FAM91A1: variants seen among roughly 807,000 people sequenced by gnomAD.
The protein encoded by FAM91A1 is family with sequence similarity 91 member A1, also known as protein FAM91A1.
In FAM91A1, 41 loss-of-function variants were observed where a neutral mutation model predicts 113.5. The observed-to-expected ratio is 0.36, with a 90% CI of 0.28 to 0.47. FAM91A1 has a LOEUF of 0.47. Among genes scored for constraint, FAM91A1 ranks in the 20% least tolerant of loss-of-function variants. The pLI is 1.00. For synonymous variants in FAM91A1, 307 were observed against 347.9 expected, an observed-to-expected ratio of 0.88 and a Z score of 1.31; for missense variants, 696 against 1,001.2, an observed-to-expected ratio of 0.70 and a Z score of 4.11.
intron 18 of FAM91A1, among the ~76,000 whole-genome samples, chr8:123,802,856 A>G (rs777614741): frequency 1.1e-4 from 17 of 152,228 alleles, no homozygotes; most frequent in Non-Finnish European, 2.4e-4. Flanking sequence ...AACTGGAGAT[A>G]AAGTTCCCAT....
chr8:123,804,481 A>T (rs1291884917), intron 18 of FAM91A1, among the ~76,000 whole-genome samples: 1 of 121,150 alleles, frequency 8.3e-6, no homozygotes, highest in Non-Finnish European at 1.7e-5. Context: ...ACAGAGCAAG[A>T]CTCTGTTTTA....
intron 8 of FAM91A1, among the ~76,000 whole-genome samples, chr8:123,782,312 T>G (rs73335699): frequency 0.027 from 4,079 of 152,236 alleles, 166 homozygotes; most frequent in African/African-American, 0.094. Flanking sequence ...TTCCCCAAAT[T>G]AGAATAAACA....
Position 123,768,690 on chromosome 8 carries a change from T to C in FAM91A1, c.-13T>C, listed in dbSNP as rs1814765824. On this transcript the variant is annotated 5_prime_UTR_variant, in exon 1 of 24. Coordinates refer to ENST00000334705, the MANE Select transcript of FAM91A1 (RefSeq NM_144963.4). ...CGGTGGCGGCCCCGGCCGCCGGCCCTGGCCGCGGCATCATGAACATAGACG... is the reference window on the plus strand; with the variant it reads ...CGGTGGCGGCCCCGGCCGCCGGCCCCGGCCGCGGCATCATGAACATAGACG... 1.9e-6 allele frequency: 3 copies of C among 1,584,780 alleles called. No homozygotes were observed. Among genetic ancestry groups the C allele is most frequent in the Non-Finnish European group, 2.6e-6 (3 of 1,167,224 alleles).
intron 21 of FAM91A1, 108 bp downstream of exon 21, chr8:123,808,484 TTTAAA>T: frequency 1.3e-6 from 1 of 745,342 alleles, no homozygotes; most frequent in Non-Finnish European, 2.0e-6. Context: ...TCATACGACT[TTTAAA>T]TAAGAGTTTT....
chr8:123,798,185 T>A lies in FAM91A1; in HGVS notation c.1507T>A (p.Ser503Thr). 1 of 1,614,140 alleles carries A rather than the reference T, an allele frequency of 6.2e-7. No individual in the cohort carries two copies. The highest frequency in any genetic ancestry group is 8.5e-7 in the Non-Finnish European group (1 of 1,179,998). The change falls in exon 16 of 24, where the codon TCC becomes ACC. Residue 503 changes from serine (S) to threonine (T), a missense_variant. Transcript: ENST00000334705. ...VLNKNYTLLV[S>T]MAPLTNEIRP... is the part of the protein sequence containing the mutation. ...AAACAAAAATTACACGCTGCTTGTTTCCATGGCTCCCCTCACCAATGAAAT... is the reference window on the plus strand; with the variant it reads ...AAACAAAAATTACACGCTGCTTGTTACCATGGCTCCCCTCACCAATGAAAT...
At chr8:123,807,692 G>A (rs930158608) in intron 20 of FAM91A1, among the ~76,000 whole-genome samples, 1 of 152,090 alleles carries the variant, frequency 6.6e-6, no homozygotes, top group Non-Finnish European at 1.5e-5. Flanking sequence ...AAAAGATAAT[G>A]TGTTTTTGGA....
At chr8:123,806,834 CCT>C (rs1815824365) in intron 20 of FAM91A1, among the ~76,000 whole-genome samples, 1 of 152,028 alleles carries the variant, frequency 6.6e-6, no homozygotes, top group South Asian at 2.1e-4. Context: ...GCCTTTCTGG[CCT>C]CTCCTTTCTA....
chr8:123,804,622 A>G (rs9918907), intron 18 of FAM91A1, among the ~76,000 whole-genome samples: 55,804 of 151,086 alleles, frequency 0.37, 13,334 homozygotes, highest in African/African-American at 0.68. Context: ...CATTTCTCCT[A>G]TATCCTTCCA....
intron 16 of FAM91A1, 39 bp from the exon 17 acceptor site, chr8:123,799,481 C>G (rs1219400657): frequency 1.9e-6 from 3 of 1,590,002 alleles, no homozygotes; most frequent in Non-Finnish European, 2.6e-6. Context: ...TTATGTAACA[C>G]TTTATTTTAA....
At chr8:123,798,687 A>G (rs1815604429) in intron 16 of FAM91A1, among the ~76,000 whole-genome samples, 1 of 152,206 alleles carries the variant, frequency 6.6e-6, no homozygotes, top group Non-Finnish European at 1.5e-5. Context: ...TAAAAAATAT[A>G]TATATATCAG....
At chr8:123,771,406 G>T (rs1374085463) in intron 1 of FAM91A1, among the ~76,000 whole-genome samples, 3 of 152,158 alleles carry the variant, frequency 2.0e-5, no homozygotes, top group Non-Finnish European at 4.4e-5. Flanking sequence ...GTCGTTTCCA[G>T]TAAGTTTTGA....
At chr8:123,782,000 G>T (rs1815136237) in intron 8 of FAM91A1, among the ~76,000 whole-genome samples, 1 of 152,200 alleles carries the variant, frequency 6.6e-6, no homozygotes, top group African/African-American at 2.4e-5. Context: ...ATAAGCTGAC[G>T]TTGATTCATT....
At chr8:123,769,919 C>T (rs1396918022) in intron 1 of FAM91A1, among the ~76,000 whole-genome samples, 2 of 151,906 alleles carry the variant, frequency 1.3e-5, no homozygotes, top group Non-Finnish European at 2.9e-5. Context: ...GGAATGGTGG[C>T]GGTGATGGTA....
Position 123,787,586 on chromosome 8 carries a change from G to T in FAM91A1, c.1192-78G>T. 2.5e-6 allele frequency: 3 copies of T among 1,217,482 alleles called. No homozygotes were observed. The South Asian group carries it at 4.4e-5, about 18-fold the overall frequency. 75.4% of individuals were successfully genotyped at this position (1,217,482 alleles called of 1,614,324 possible). A position where few individuals can be genotyped will look rare whatever the true frequency, so the allele number is the denominator to read the frequency against. On this transcript the variant is annotated intron_variant, in intron 13 of 23. Transcript: ENST00000334705. The stretch of plus-strand genomic sequence containing the variant: ...CCTTAAGTTTAAATATATTTGAAAG[G>T]ATAATATAAATATTTGATAGTATGC...
At chr8:123,805,512 A>G (rs1815782241) in intron 19 of FAM91A1, among the ~76,000 whole-genome samples, 173 bp downstream of exon 19, 2 of 152,308 alleles carry the variant, frequency 1.3e-5, no homozygotes, top group South Asian at 2.1e-4. Flanking sequence ...TTTGCCATCC[A>G]CAAAGAACTG....
chr8:123,799,935 T>G, intron 18 of FAM91A1, 50 bp downstream of exon 18: 2 of 1,407,420 alleles, frequency 1.4e-6, no homozygotes, highest in Non-Finnish European at 1.9e-6. Context: ...AAGTTGATAA[T>G]TTTTCTAGCT....
intron 8 of FAM91A1, among the ~76,000 whole-genome samples, chr8:123,783,448 A>G (rs1815171572): frequency 6.6e-6 from 1 of 152,242 alleles, no homozygotes; most frequent in African/African-American, 2.4e-5. Context: ...TATAGGTAGT[A>G]CTAAATTAGA....
intron 12 of FAM91A1, 105 bp downstream of exon 12, chr8:123,786,715 A>G (rs762821269): frequency 4.5e-6 from 4 of 883,052 alleles, no homozygotes; most frequent in Non-Finnish European, 7.4e-6. Flanking sequence ...ATTTTATTCA[A>G]TACGCAGTCT....
chr8:123,811,864 T>A (rs1375873387), intron 23 of FAM91A1, among the ~76,000 whole-genome samples: 1 of 152,124 alleles, frequency 6.6e-6, no homozygotes, highest in Admixed American at 6.6e-5. Context: ...AAGGTTTTTT[T>A]TGTTTGTTTG....
Sources: gnomAD v4.1 joint callset for allele counts (sites outside exome capture counted in the v4.1 genomes callset) on GRCh38, gnomAD v4.1.1 for gene constraint, MANE v1.5 for transcripts, NCBI Gene and HGNC (gene_info 2026-07-23, HGNC 2026-07-21) for gene names.